ALOX5AP: variants seen among roughly 807,000 people sequenced by gnomAD.
ALOX5AP encodes arachidonate 5-lipoxygenase activating protein.
ALOX5AP carries 9 observed loss-of-function variants against 18.5 expected under a neutral mutation model. The ratio of observed to expected loss-of-function variants is 0.49; its 90% CI spans 0.29 to 0.85. The LOEUF (loss-of-function observed/expected upper bound fraction) is 0.85. ALOX5AP is among the 40% of genes least tolerant of loss of function. The pLI is 0.08. For missense variants in ALOX5AP, 172 were observed against 202.5 expected, an observed-to-expected ratio of 0.85 and a Z score of 0.91; for synonymous variants, 81 against 78.6, an observed-to-expected ratio of 1.03 and a Z score of -0.16.
At chr13:30,742,411 A>C (rs1406096120) in intron 1 of ALOX5AP, 1 of 152,170 alleles carries the variant, frequency 6.6e-6, no homozygotes, top group African/African-American at 2.4e-5. Flanking sequence ...TATGCCCCGC[A>C]GAGTTTGAAG....
intron 1 of ALOX5AP, among the ~76,000 whole-genome samples, chr13:30,727,787 C>T (rs986224924): frequency 5.3e-5 from 8 of 152,182 alleles, no homozygotes; most frequent in African/African-American, 1.7e-4. Flanking sequence ...GTGATAGTTA[C>T]GGGTTCTAGC....
At chr13:30,744,675 G>A (rs1951795062) in intron 2 of ALOX5AP, among the ~76,000 whole-genome samples, 1 of 152,218 alleles carries the variant, frequency 6.6e-6, no homozygotes, top group Admixed American at 6.5e-5. Flanking sequence ...GACATTAGCA[G>A]GTGCTTTCCC....
chr13:30,762,869 T>A (rs999610696), intron 4 of ALOX5AP, among the ~76,000 whole-genome samples: 1 of 152,096 alleles, frequency 6.6e-6, no homozygotes, highest in African/African-American at 2.4e-5. Flanking sequence ...ACCTCTCAGA[T>A]GGGCCAGCCA....
At chr13:30,758,293 T>C (rs1334000648) in intron 4 of ALOX5AP, among the ~76,000 whole-genome samples, 5 of 152,276 alleles carry the variant, frequency 3.3e-5, no homozygotes, top group African/African-American at 1.2e-4. Context: ...GTTGGGCCCA[T>C]CTCCTCCCCA....
intron 1 of ALOX5AP, among the ~76,000 whole-genome samples, chr13:30,738,380 G>C (rs994270438): frequency 2.0e-5 from 3 of 152,196 alleles, no homozygotes; most frequent in Non-Finnish European, 2.9e-5. Context: ...ACCTGGACCA[G>C]AACTATCAAA....
At chr13:30,716,448 G>A (rs1951550879) in intron 1 of ALOX5AP, among the ~76,000 whole-genome samples, 1 of 152,188 alleles carries the variant, frequency 6.6e-6, no homozygotes, top group Admixed American at 6.5e-5. Context: ...AGATCAGGCC[G>A]CACTTGGACC....
At chr13:30,724,735 C>A (rs1280791246) in intron 1 of ALOX5AP, among the ~76,000 whole-genome samples, 1 of 152,184 alleles carries the variant, frequency 6.6e-6, no homozygotes, top group Non-Finnish European at 1.5e-5. Flanking sequence ...CCTGAGTTTC[C>A]ATTGTGAACA....
chr13:30,713,907 G>T (rs1951528864), intron 1 of ALOX5AP: 8 of 1,506,632 alleles, frequency 5.3e-6, no homozygotes, highest in Non-Finnish European at 7.1e-6. Context: ...CTACAAATTT[G>T]ACCTGGGCCC....
At chr13:30,744,228 G>T in intron 2 of ALOX5AP, 69 bp downstream of exon 2, 1 of 1,381,858 alleles carries the variant, frequency 7.2e-7, no homozygotes, top group South Asian at 1.2e-5. Flanking sequence ...TAGGAGTGAT[G>T]ACCACCCTTA....
chr13:30,743,957 G>T, intron 1 of ALOX5AP, 103 bp from the exon 2 acceptor site: 1 of 898,250 alleles, frequency 1.1e-6, no homozygotes, highest in South Asian at 1.4e-5. Flanking sequence ...GGGTTGCTTG[G>T]AGGTCAAGTC....
intron 1 of ALOX5AP, among the ~76,000 whole-genome samples, chr13:30,719,260 C>T (rs1343055478): frequency 6.6e-6 from 1 of 152,302 alleles, no homozygotes; most frequent in Non-Finnish European, 1.5e-5. Flanking sequence ...ACCTAGAAAA[C>T]ATTCCATAAA....
intron 1 of ALOX5AP, among the ~76,000 whole-genome samples, chr13:30,738,960 C>A (rs908576094): frequency 1.3e-5 from 2 of 152,114 alleles, no homozygotes; most frequent in African/African-American, 2.4e-5. Flanking sequence ...TCACAAGAAA[C>A]CTCACAAGCA....
chr13:30,751,812 C>G (rs61947403), intron 2 of ALOX5AP, among the ~76,000 whole-genome samples: 1 of 152,324 alleles, frequency 6.6e-6, no homozygotes, highest in Admixed American at 6.5e-5. Context: ...GTCTCCCTTA[C>G]GCATCACCGT....
intron 1 of ALOX5AP, among the ~76,000 whole-genome samples, chr13:30,741,814 C>T (rs1951767806): frequency 6.9e-6 from 1 of 143,952 alleles, no homozygotes; most frequent in South Asian, 2.2e-4. Context: ...ATGTTCAGTC[C>T]AGACAAATGG....
intron 2 of ALOX5AP, 21 bp downstream of exon 2, chr13:30,744,180 T>A (rs1252484674): frequency 1.9e-6 from 3 of 1,607,592 alleles, no homozygotes; most frequent in Non-Finnish European, 2.6e-6. Context: ...ACCCTGATGT[T>A]GCTAATAAGT....
chr13:30,763,149 A>G (rs1164014916), intron 4 of ALOX5AP, among the ~76,000 whole-genome samples: 1 of 152,226 alleles, frequency 6.6e-6, no homozygotes, highest in Non-Finnish European at 1.5e-5. Context: ...CTCTACTAAA[A>G]TACAAAAAGT....
Position 30,713,783 on chromosome 13 carries a change from GA to G in ALOX5AP, c.60del (p.Glu20AspfsTer15). ...TACACAGAAGACTCTGAAAACTTCTGAATTTGGGAAATCCTTTGGCACCTTG... is the reference window on the plus strand; with the variant it reads ...TACACAGAAGACTCTGAAAACTTCTGATTTGGGAAATCCTTTGGCACCTTG... On this transcript the variant is annotated frameshift_variant, in exon 1 of 6. Transcript: ENST00000617770. LOFTEE classifies it high-confidence loss of function. 6.5e-7 allele frequency: 1 copy of G among 1,535,720 alleles called. No homozygotes were observed. Among genetic ancestry groups the G allele is most frequent in the Admixed American group, 2.0e-5 (1 of 51,010 alleles).
intron 1 of ALOX5AP, among the ~76,000 whole-genome samples, chr13:30,721,203 A>G (rs532886355): frequency 3.9e-5 from 6 of 152,218 alleles, no homozygotes; most frequent in Admixed American, 1.3e-4. Flanking sequence ...ATACACATAC[A>G]TCTGCATCAA....
chr13:30,722,347 C>T (rs186892164), intron 1 of ALOX5AP, among the ~76,000 whole-genome samples: 104 of 152,310 alleles, frequency 6.8e-4, no homozygotes, highest in Admixed American at 6.4e-3. Flanking sequence ...ACCAGCACTG[C>T]CTTGCCTACC....
Sources: allele counts gnomAD v4.1 joint callset (sites outside exome capture counted in the v4.1 genomes callset), GRCh38; gene constraint gnomAD v4.1.1; transcripts MANE v1.5; gene names NCBI Gene and HGNC (gene_info 2026-07-23, HGNC 2026-07-21).